CAMK2G: variants seen among roughly 807,000 people sequenced by gnomAD.
CAMK2G encodes calcium/calmodulin-dependent protein kinase type II subunit gamma.
A neutral mutation model predicts 88.7 loss-of-function variants in CAMK2G; 23 were observed. The observed-to-expected ratio is 0.26, with a 90% CI of 0.19 to 0.37. The LOEUF (loss-of-function observed/expected upper bound fraction) is 0.37, where lower values mean the gene tolerates loss of function less well. Among genes scored for constraint, CAMK2G ranks in the 10% least tolerant of loss-of-function variants. The probability of loss-of-function intolerance (pLI) is 1.00; values close to 1 mark genes in which losing one functional copy is unlikely to be tolerated. For missense variants in CAMK2G, 476 were observed against 780.8 expected, an observed-to-expected ratio of 0.61 and a Z score of 4.65; for synonymous variants, 263 against 294.8, an observed-to-expected ratio of 0.89 and a Z score of 1.11.
At chr10:73,847,796 G>A (rs1314579291) in intron 9 of CAMK2G, among the ~76,000 whole-genome samples, 192 bp downstream of exon 9, 2 of 152,216 alleles carry the variant, frequency 1.3e-5, no homozygotes, top group African/African-American at 4.8e-5. Flanking sequence ...AGAAGGCTGT[G>A]CAAAAGAAAG....
intron 12 of CAMK2G, among the ~76,000 whole-genome samples, chr10:73,840,100 G>T (rs2093654458): frequency 6.6e-6 from 1 of 152,110 alleles, no homozygotes; most frequent in Non-Finnish European, 1.5e-5. Flanking sequence ...GGGAGGGTCT[G>T]TGGCCCTTGT....
At chr10:73,873,849 G>C (rs1287166812) in intron 1 of CAMK2G, among the ~76,000 whole-genome samples, 1 of 105,846 alleles carries the variant, frequency 9.4e-6, no homozygotes, top group African/African-American at 3.7e-5. Context: ...GCTGCGGCGC[G>C]GCTCCCGGGA....
chr10:73,813,859 A>G lies in CAMK2G; in HGVS notation c.*659T>C, dbSNP rs2084689602. On this transcript the variant is annotated 3_prime_UTR_variant, in exon 23 of 23. Coordinates refer to ENST00000423381, the MANE Select transcript of CAMK2G (RefSeq NM_001367534.1). ...ATTCTCTTCCCTTCTACACTAAACAAGACAGTACAGCAACGTCCGGGCTCT... is the reference window on the plus strand; with the variant it reads ...ATTCTCTTCCCTTCTACACTAAACAGGACAGTACAGCAACGTCCGGGCTCT... 1 of 152,630 alleles carries G rather than the reference A, an allele frequency of 6.6e-6. No homozygotes were observed. Among genetic ancestry groups the G allele is most frequent in the Admixed American group, 6.5e-5 (1 of 15,276 alleles). The allele number at this position is 152,630 out of a possible 1,614,324, so 9.5% of individuals were successfully genotyped here.
At chr10:73,831,549 A>AG (rs1483904922) in intron 14 of CAMK2G, among the ~76,000 whole-genome samples, 2 of 150,632 alleles carry the variant, frequency 1.3e-5, no homozygotes, top group Non-Finnish European at 3.0e-5. Context: ...AAAAAAAAAA[A>AG]AAAAAAAAAA....
chr10:73,819,057 T>C (rs888953150), intron 19 of CAMK2G, among the ~76,000 whole-genome samples: 4 of 152,186 alleles, frequency 2.6e-5, no homozygotes, highest in Non-Finnish European at 4.4e-5. Context: ...TTCACACTCT[T>C]GAAGGCAGTG....
intron 9 of CAMK2G, 79 bp from the exon 10 acceptor site, chr10:73,847,426 A>G (rs1590773450): frequency 4.1e-6 from 6 of 1,474,582 alleles, no homozygotes; most frequent in South Asian, 1.2e-5. Flanking sequence ...CTTCAACTCA[A>G]CTCCTGTAAT....
At position 73,865,243 on chromosome 10, in the gene CAMK2G, TC is replaced by T. The variant is rs536320844; in HGVS notation, c.161-4355del. On this transcript the variant is annotated intron_variant, in intron 2 of 22. Coordinates refer to ENST00000423381, the MANE Select transcript of CAMK2G (RefSeq NM_001367534.1). Reference sequence around the variant, plus strand: ...CCATTGCAGTCCTGGAGGTGGAGTGTCCCTCCCTGTTTTGGCGGGGCCCACC... The same window carrying T: ...CCATTGCAGTCCTGGAGGTGGAGTGTCCTCCCTGTTTTGGCGGGGCCCACC... 2.6e-5 allele frequency among the ~76,000 whole-genome samples: 4 copies of T among 152,242 alleles called. No homozygotes were observed. The South Asian group carries it at 8.3e-4, about 32-fold the overall frequency.
intron 10 of CAMK2G, among the ~76,000 whole-genome samples, chr10:73,844,376 C>T (rs1262096404): frequency 2.6e-5 from 4 of 151,724 alleles, no homozygotes; most frequent in African/African-American, 9.7e-5. Context: ...CAGGTGTGAG[C>T]CACCGCTCCT....
Position 73,874,532 on chromosome 10 carries a change from A to C in CAMK2G, c.-71T>G. ...GTGCACAGTCACCGCCGCCCGGCCG[A>C]GGGAGCAAGAGGAGGAGACGGGGCT... On this transcript the variant is annotated 5_prime_UTR_variant, in exon 1 of 23. Coordinates refer to ENST00000423381, the MANE Select transcript of CAMK2G (RefSeq NM_001367534.1). The C allele has an allele frequency of 9.3e-7, 1 of 1,078,374 alleles. No individual in the cohort carries two copies. Among genetic ancestry groups the C allele is most frequent in the African/African-American group, 1.6e-5 (1 of 60,698 alleles). The allele number at this position is 1,078,374 out of a possible 1,614,324, so 66.8% of individuals were successfully genotyped here.
intron 19 of CAMK2G, among the ~76,000 whole-genome samples, chr10:73,818,021 C>T (rs1000237191): frequency 1.3e-5 from 2 of 152,188 alleles, no homozygotes; most frequent in African/African-American, 4.8e-5. Context: ...ATTCAGTGGC[C>T]AGGACCCAGC....
chr10:73,873,221 T>A (rs1440985438), intron 1 of CAMK2G, 138 bp from the exon 2 acceptor site: 2 of 971,548 alleles, frequency 2.1e-6, no homozygotes, highest in Non-Finnish European at 3.2e-6. Flanking sequence ...ACCGGCGCTG[T>A]GACCACCACC....
intron 2 of CAMK2G, among the ~76,000 whole-genome samples, chr10:73,861,956 A>G (rs1001587733): frequency 6.6e-6 from 1 of 152,208 alleles, no homozygotes; most frequent in Non-Finnish European, 1.5e-5. Context: ...AGAAAGAGAA[A>G]CCAGGACACA....
At chr10:73,816,399 A>T (rs192152834) in intron 21 of CAMK2G, 34 of 1,041,138 alleles carry the variant, frequency 3.3e-5, no homozygotes, top group Middle Eastern at 4.7e-4. Flanking sequence ...TGCTGAGATC[A>T]TCTCAACCTA....
intron 22 of CAMK2G, chr10:73,814,741 C>A (rs767540066): frequency 6.2e-6 from 3 of 483,208 alleles, no homozygotes; most frequent in African/African-American, 1.9e-5. Context: ...GCACCACTCT[C>A]TGCCTTTCTT....
chr10:73,849,354 G>C (rs928402237), intron 5 of CAMK2G, 21 bp from the exon 6 acceptor site: 1 of 1,589,754 alleles, frequency 6.3e-7, no homozygotes, highest in Middle Eastern at 1.7e-4. Context: ...AGAAGGAAAA[G>C]AAATGTTAGC....
chr10:73,854,877 T>C (rs543653268), intron 3 of CAMK2G, among the ~76,000 whole-genome samples: 38 of 152,210 alleles, frequency 2.5e-4, no homozygotes, highest in African/African-American at 8.7e-4. Context: ...CGCATCCCAT[T>C]ACCTACACTA....
chr10:73,851,787 G>A (rs1299312957), intron 5 of CAMK2G, among the ~76,000 whole-genome samples: 1 of 150,500 alleles, frequency 6.6e-6, no homozygotes, highest in East Asian at 1.9e-4. Context: ...GCTCTGTTAC[G>A]CAGGCTGGAG....
intron 22 of CAMK2G, 30 bp downstream of exon 22, chr10:73,814,973 C>T: frequency 2.0e-6 from 3 of 1,493,544 alleles, no homozygotes; most frequent in Non-Finnish European, 2.8e-6. Context: ...CAGGCCCTTC[C>T]AGCCCCTCTC....
At position 73,825,350 on chromosome 10, in the gene CAMK2G, G is replaced by A. The variant is rs1468022321; in HGVS notation, c.1087-3C>T. 2.5e-6 allele frequency: 4 copies of A among 1,613,082 alleles called. No individual in the cohort carries two copies. Among genetic ancestry groups the A allele is most frequent in the Non-Finnish European group, 2.5e-6 (3 of 1,179,142 alleles). On this transcript the variant is annotated splice_region_variant and splice_polypyrimidine_tract_variant and intron_variant, in intron 15 of 22. Transcript: ENST00000423381. ...CTGTTTTTGTTGTTGCTCTGTGGCT[G>A]AGACAAGAAAACAGATGGTTTAGTT... is the stretch of plus-strand genomic sequence containing the variant.
Sources: allele counts gnomAD v4.1 joint callset (sites outside exome capture counted in the v4.1 genomes callset), GRCh38; gene constraint gnomAD v4.1.1; transcripts MANE v1.5; gene names NCBI Gene and HGNC (gene_info 2026-07-23, HGNC 2026-07-21).